The following KLHL20 variants were observed in gnomAD, a reference collection of about 807,000 sequenced individuals.
KLHL20 encodes kelch like family member 20.
A neutral mutation model predicts 69.5 loss-of-function variants in KLHL20; 29 were observed. The observed-to-expected ratio is 0.42, with a 90% CI of 0.31 to 0.57. The LOEUF is 0.57. Among genes scored for constraint, KLHL20 ranks in the 20% least tolerant of loss-of-function variants. KLHL20 has a pLI of 0.18. For synonymous variants in KLHL20, 253 were observed against 265.2 expected, an observed-to-expected ratio of 0.95 and a Z score of 0.45; for missense variants, 419 against 776.0, an observed-to-expected ratio of 0.54 and a Z score of 5.47.
At chr1:173,759,364 C>G (rs1464296234) in intron 7 of KLHL20, among the ~76,000 whole-genome samples, 2 of 152,138 alleles carry the variant, frequency 1.3e-5, no homozygotes, top group African/African-American at 4.8e-5. Context: ...CCACCAGTCT[C>G]TCTCCACACT....
chr1:173,768,621 G>C (rs754168441), intron 8 of KLHL20, among the ~76,000 whole-genome samples: 5 of 152,118 alleles, frequency 3.3e-5, no homozygotes, highest in Non-Finnish European at 7.3e-5. Context: ...AAAACAGATA[G>C]AGTAATAGAT....
chr1:173,768,907 A>C (rs780709893), intron 8 of KLHL20, among the ~76,000 whole-genome samples: 3 of 152,212 alleles, frequency 2.0e-5, no homozygotes, highest in African/African-American at 4.8e-5. Context: ...GAGAAATCAG[A>C]AAGAAGCAAT....
Position 173,757,130 on chromosome 1 carries a change from T to C in KLHL20, c.1122T>C (p.Asp374=), listed in dbSNP as rs1314226447. Reference sequence around the variant, plus strand: ...TGTTATATGCAGTAGGAGGCCATGATGGATCCTCTTATCTCAATAGTGTTG... The same window carrying C: ...TGTTATATGCAGTAGGAGGCCATGACGGATCCTCTTATCTCAATAGTGTTG... ...DDLLYAVGGH[D]GSSYLNSVER... The change falls in exon 7 of 12, where the codon GAT becomes GAC. Residue 374 remains aspartate (D), a synonymous_variant. Transcript: ENST00000209884. The C allele has an allele frequency of 1.2e-6, 2 of 1,613,942 alleles. No homozygotes were observed. Among genetic ancestry groups the C allele is most frequent in the Non-Finnish European group, 1.7e-6 (2 of 1,179,832 alleles).
chr1:173,735,697 A>G (rs969843567), intron 3 of KLHL20, among the ~76,000 whole-genome samples: 1 of 152,072 alleles, frequency 6.6e-6, no homozygotes, highest in South Asian at 2.1e-4. Flanking sequence ...TGGTGCATCC[A>G]CCACCCGAGC....
intron 3 of KLHL20, among the ~76,000 whole-genome samples, chr1:173,743,323 C>T (rs1253284340): frequency 6.6e-6 from 1 of 151,918 alleles, no homozygotes; most frequent in Non-Finnish European, 1.5e-5. Flanking sequence ...ACGCTTTGTC[C>T]AGATTCACCA....
At chr1:173,765,395 T>C (rs1452681008) in intron 7 of KLHL20, among the ~76,000 whole-genome samples, 2 of 151,770 alleles carry the variant, frequency 1.3e-5, no homozygotes, top group Non-Finnish European at 2.9e-5. Flanking sequence ...CCCAGCTACT[T>C]GGGAGGCTGA....
chr1:173,780,581 C>A (rs886852922), intron 10 of KLHL20, among the ~76,000 whole-genome samples: 1 of 152,070 alleles, frequency 6.6e-6, no homozygotes, highest in Non-Finnish European at 1.5e-5. Context: ...AATTTGAGAC[C>A]CGCGTGGGCA....
intron 3 of KLHL20, among the ~76,000 whole-genome samples, chr1:173,738,875 T>G (rs142795865): frequency 6.6e-6 from 1 of 152,240 alleles, no homozygotes; most frequent in Non-Finnish European, 1.5e-5. Context: ...CTTTTTGATA[T>G]GCTGTTGGAT....
intron 10 of KLHL20, among the ~76,000 whole-genome samples, chr1:173,779,925 A>G (rs536133290): frequency 1.3e-5 from 2 of 152,324 alleles, no homozygotes; most frequent in Admixed American, 1.3e-4. Context: ...CTGTAACTCA[A>G]GAGACTTCTG....
chr1:173,746,578 T>C (rs1293907945), intron 3 of KLHL20, among the ~76,000 whole-genome samples: 1 of 152,138 alleles, frequency 6.6e-6, no homozygotes, highest in African/African-American at 2.4e-5. Context: ...TTTTTAAATT[T>C]CTGTAGCAGT....
At chr1:173,743,115 T>C (rs1486664828) in intron 3 of KLHL20, among the ~76,000 whole-genome samples, 5 of 79,074 alleles carry the variant, frequency 6.3e-5, no homozygotes, top group Non-Finnish European at 1.1e-4. Context: ...TAATAAGGAA[T>C]GTGTAAAAAA....
At chr1:173,750,355 G>C (rs1673250067) in intron 3 of KLHL20, among the ~76,000 whole-genome samples, 1 of 152,114 alleles carries the variant, frequency 6.6e-6, no homozygotes, top group Admixed American at 6.6e-5. Context: ...TCAGGCCAGA[G>C]TGCTGTGATG....
At chr1:173,728,813 A>C (rs1162784479) in intron 2 of KLHL20, among the ~76,000 whole-genome samples, 1 of 152,196 alleles carries the variant, frequency 6.6e-6, no homozygotes, top group Non-Finnish European at 1.5e-5. Flanking sequence ...TCACAATTAA[A>C]AGAACTAGAG....
intron 3 of KLHL20, among the ~76,000 whole-genome samples, chr1:173,737,439 T>C (rs10912674): frequency 0.058 from 8,761 of 152,302 alleles, 812 homozygotes; most frequent in African/African-American, 0.19. Flanking sequence ...CTTCTACATG[T>C]GGCTTGCCAA....
chr1:173,743,308 T>A lies in KLHL20; in HGVS notation c.598-8456T>A, dbSNP rs149340035. 1.1e-3 allele frequency among the ~76,000 whole-genome samples: 166 copies of A among 152,206 alleles called. 1 individual carries two copies. Among genetic ancestry groups the A allele is most frequent in the African/African-American group, 3.8e-3 (156 of 41,586 alleles). On this transcript the variant is annotated intron_variant, in intron 3 of 11. Coordinates refer to ENST00000209884, the MANE Select transcript of KLHL20 (RefSeq NM_014458.4). ...AATCACAGGAATAAGACAAAACTTT[T>A]ATGTACGCTTTGTCCAGATTCACCA...
intron 3 of KLHL20, among the ~76,000 whole-genome samples, chr1:173,745,311 C>T (rs1466308657): frequency 1.3e-5 from 2 of 151,100 alleles, no homozygotes; most frequent in Non-Finnish European, 3.0e-5. Context: ...TACAGGCGTG[C>T]ACCACCAGGC....
At chr1:173,778,281 A>G (rs1175991402) in intron 10 of KLHL20, among the ~76,000 whole-genome samples, 2 of 148,048 alleles carry the variant, frequency 1.4e-5, no homozygotes, top group Admixed American at 6.8e-5. Flanking sequence ...AAGTGATGTC[A>G]TTGTTCAATT....
At chr1:173,735,322 C>A (rs1672476151) in intron 3 of KLHL20, among the ~76,000 whole-genome samples, 1 of 151,864 alleles carries the variant, frequency 6.6e-6, no homozygotes, top group South Asian at 2.1e-4. Flanking sequence ...GGCGTGCACC[C>A]TTAGTCCCAG....
At chr1:173,769,772 C>A (rs563425863) in intron 8 of KLHL20, among the ~76,000 whole-genome samples, 1 of 139,042 alleles carries the variant, frequency 7.2e-6, no homozygotes, top group Non-Finnish European at 1.5e-5. Flanking sequence ...TAGAGTGAGA[C>A]CCTGTCTCAA....
Sources: gnomAD v4.1 joint callset for allele counts (sites outside exome capture counted in the v4.1 genomes callset) on GRCh38, gnomAD v4.1.1 for gene constraint, MANE v1.5 for transcripts, NCBI Gene and HGNC (gene_info 2026-07-23, HGNC 2026-07-21) for gene names.